FBLN2: variants seen among roughly 807,000 people sequenced by gnomAD.
FBLN2 encodes the protein fibulin-2.
Under a neutral mutation model 123.7 loss-of-function variants are expected in FBLN2, and 81 were observed. The ratio of observed to expected loss-of-function variants is 0.65; its 90% CI spans 0.55 to 0.79. The LOEUF is 0.79. Ranked by LOEUF, FBLN2 falls within the 30% of genes least tolerant of loss-of-function variation. The pLI is 0.00. For synonymous variants in FBLN2, 699 were observed against 701.4 expected (o/e 1.00, Z 0.05); for missense variants, 1,603 against 1,681.3 (o/e 0.95, Z 0.81).
intron 1 of FBLN2, chr3:13,569,084 C>G (rs58901347): frequency 1.0e-6 from 1 of 984,284 alleles, no homozygotes; most frequent in Admixed American, 6.1e-5. Flanking sequence ...GAGTCAGGTA[C>G]GGCCACTGGG....
intron 13 of FBLN2, among the ~76,000 whole-genome samples, chr3:13,629,556 G>GTCTCTGTC (rs1446295658): frequency 1.3e-5 from 2 of 151,668 alleles, no homozygotes; most frequent in Non-Finnish European, 2.9e-5. Flanking sequence ...GCTTCCCTCG[G>GTCTCTGTC]TCTCTGTCAC....
chr3:13,594,270 C>T (rs3773279), intron 2 of FBLN2, among the ~76,000 whole-genome samples: 22,441 of 152,064 alleles, frequency 0.15, 2,552 homozygotes, highest in African/African-American at 0.31. Context: ...GCTCAGAGAC[C>T]CACTTGCCCG....
At chr3:13,582,776 G>A (rs545164805) in intron 2 of FBLN2, among the ~76,000 whole-genome samples, 2 of 152,374 alleles carry the variant, frequency 1.3e-5, no homozygotes, top group East Asian at 3.9e-4. Context: ...GTGCTGCTCC[G>A]GGCCACGGGC....
rs767746362 is a variant in FBLN2 at position 13,621,905 on chromosome 3, G to C, written c.2286G>C (p.Arg762Ser). Residue 762 changes from arginine to serine, a missense_variant, in exon 9 of 18, where the codon AGG (arginine) becomes AGC (serine). Coordinates refer to ENST00000404922, the MANE Select transcript of FBLN2 (RefSeq NM_001004019.2). ...CADGYILNAH[R>S]KCVDINECVT... ...ATGGCTATATCCTCAATGCGCACAG[G>C]AAGTGCGTGGGTAAGCCAGGGCCCC... is the stretch of plus-strand genomic sequence containing the variant. 6.2e-7 allele frequency: 1 copy of C among 1,612,802 alleles called. No homozygotes were observed. Among genetic ancestry groups the C allele is most frequent in the African/African-American group, 1.3e-5 (1 of 74,916 alleles).
chr3:13,635,347 C>A (rs1008377983), intron 16 of FBLN2, among the ~76,000 whole-genome samples: 3 of 151,712 alleles, frequency 2.0e-5, no homozygotes, highest in Non-Finnish European at 4.4e-5. Flanking sequence ...ATTTCTAAGA[C>A]CTTTTGTCCT....
intron 2 of FBLN2, among the ~76,000 whole-genome samples, chr3:13,588,360 C>T (rs796348910): frequency 7.9e-5 from 12 of 152,358 alleles, no homozygotes; most frequent in African/African-American, 2.6e-4. Flanking sequence ...CACCTAACCA[C>T]GCATTTCTCA....
intron 1 of FBLN2, among the ~76,000 whole-genome samples, chr3:13,555,889 G>T (rs773119592): frequency 6.6e-5 from 10 of 152,232 alleles, no homozygotes; most frequent in Non-Finnish European, 1.5e-4. Context: ...AGATCACCGA[G>T]CGTTGGTGCT....
chr3:13,637,535 G>A, intron 17 of FBLN2, 27 bp from the exon 18 acceptor site: 2 of 1,564,858 alleles, frequency 1.3e-6, no homozygotes, highest in Non-Finnish European at 1.7e-6. Flanking sequence ...GGCGAGCTGT[G>A]GGTGACCCGG....
At chr3:13,555,587 T>C (rs1191722020) in intron 1 of FBLN2, among the ~76,000 whole-genome samples, 1 of 152,140 alleles carries the variant, frequency 6.6e-6, no homozygotes, top group African/African-American at 2.4e-5. Flanking sequence ...CCCGAGTAGC[T>C]GGGACTACAG....
chr3:13,635,375 T>TACACACACAC (rs3836364), intron 16 of FBLN2, among the ~76,000 whole-genome samples: 17 of 149,190 alleles, frequency 1.1e-4, no homozygotes, highest in African/African-American at 4.2e-4. Flanking sequence ...GCCTGTGGGT[T>TACACACACAC]ACACACACAC....
intron 17 of FBLN2, among the ~76,000 whole-genome samples, chr3:13,636,934 C>T (rs1706493593): frequency 6.6e-6 from 1 of 151,772 alleles, no homozygotes; most frequent in Non-Finnish European, 1.5e-5. Flanking sequence ...GCTAGGTGGT[C>T]TGGCTCAGGA....
chr3:13,549,917 G>A (rs1703277379), intron 1 of FBLN2, among the ~76,000 whole-genome samples: 1 of 152,176 alleles, frequency 6.6e-6, no homozygotes, highest in African/African-American at 2.4e-5. Flanking sequence ...CATGCCTCTA[G>A]CAGACAGTTG....
At position 13,629,187 on chromosome 3, in the gene FBLN2, G is replaced by A; in HGVS notation, c.2737G>A (p.Val913Met). The change falls in exon 13 of 18, where the codon GTG (valine) becomes ATG (methionine). Residue 913 changes from valine (V) to methionine (M), a missense_variant. Coordinates refer to ENST00000404922, the MANE Select transcript of FBLN2 (RefSeq NM_001004019.2). ...AGACGTGAATGAGTGTGAGACAGGT[G>A]TGCACCGCTGCGGTGAGGGCCAAGT... Reference protein sequence around the residue: ...CVDVNECETGVHRCGEGQVCH... With the variant: ...CVDVNECETGMHRCGEGQVCH... 6.2e-7 allele frequency: 1 copy of A among 1,613,236 alleles called. No individual in the cohort carries two copies. The highest frequency in any genetic ancestry group is 8.5e-7 in the Non-Finnish European group (1 of 1,179,714).
intron 8 of FBLN2, among the ~76,000 whole-genome samples, chr3:13,620,457 G>A (rs1232180256): frequency 6.6e-6 from 1 of 152,188 alleles, no homozygotes; most frequent in Non-Finnish European, 1.5e-5. Context: ...CCCAAATGAA[G>A]GACACTGGTG....
intron 11 of FBLN2, among the ~76,000 whole-genome samples, chr3:13,628,598 C>G (rs151052291): frequency 9.2e-5 from 14 of 152,342 alleles, no homozygotes; most frequent in African/African-American, 3.1e-4. Flanking sequence ...CTGTGCTTCC[C>G]TGGCAGCTAG....
chr3:13,617,381 T>C (rs1247537446), intron 5 of FBLN2, among the ~76,000 whole-genome samples: 1 of 151,322 alleles, frequency 6.6e-6, no homozygotes, highest in East Asian at 2.0e-4. Context: ...CATCCACCCA[T>C]CCACCCACTC....
chr3:13,637,777 A>G lies in FBLN2; in HGVS notation c.3554A>G (p.Tyr1185Cys). ...TTTGGCACGCGCAGGCTCAATGCCT[A>G]CACGGGTGTGGTCTACCTGCAGCGG... The part of the protein sequence containing the change: ...GYFGTRRLNA[Y>C]TGVVYLQRAV... Residue 1185 changes from tyrosine to cysteine, a missense_variant, in exon 18 of 18, where the codon TAC (tyrosine) becomes TGC (cysteine). Coordinates refer to ENST00000404922, the MANE Select transcript of FBLN2 (RefSeq NM_001004019.2). The G allele has an allele frequency of 1.2e-6, 2 of 1,613,928 alleles. No homozygotes were observed. Among genetic ancestry groups the G allele is most frequent in the Non-Finnish European group, 8.5e-7 (1 of 1,179,840 alleles).
chr3:13,587,442 C>T (rs1704545199), intron 2 of FBLN2, among the ~76,000 whole-genome samples: 1 of 152,172 alleles, frequency 6.6e-6, no homozygotes, highest in African/African-American at 2.4e-5. Context: ...TTCAAATGCA[C>T]TCACCACTCA....
In FBLN2 at chr3:13,598,269, A is replaced by G. The variant is rs1574970959; in HGVS notation, c.1307-9793A>G. 1.3e-5 allele frequency among the ~76,000 whole-genome samples: 2 copies of G among 152,240 alleles called. 1 individual carries two copies. The highest frequency in any genetic ancestry group is 4.1e-4 in the South Asian group (2 of 4,832). On this transcript the variant is annotated intron_variant, in intron 2 of 17. Transcript: ENST00000404922. ...CTGAGTACCAGCTATTTGCCATGCAATGAGTCTTACGTTCCCACTTGTGAA... is the reference window on the plus strand; with the variant it reads ...CTGAGTACCAGCTATTTGCCATGCAGTGAGTCTTACGTTCCCACTTGTGAA...
Sources: gnomAD v4.1 joint callset for allele counts (sites outside exome capture counted in the v4.1 genomes callset) on GRCh38, gnomAD v4.1.1 for gene constraint, MANE v1.5 for transcripts, NCBI Gene and HGNC (gene_info 2026-07-23, HGNC 2026-07-21) for gene names.